The following CSTPP1 variants were observed in gnomAD, a reference collection of about 807,000 sequenced individuals.
CSTPP1 encodes the protein centriolar satellite-associated tubulin polyglutamylase complex regulator 1.
the CSTPP1 span, chr11:46,948,288 T>G: frequency 2.6e-6 from 1 of 387,482 alleles, no homozygotes; most frequent in Admixed American, 3.3e-5. Context: ...ATCTTAGTTT[T>G]TCAGAAAGGA....
chr11:47,112,613 C>T, the CSTPP1 span, among the ~76,000 whole-genome samples: 1 of 152,192 alleles, frequency 6.6e-6, no homozygotes, highest in African/African-American at 2.4e-5. Context: ...TGAGCTGCTG[C>T]GCCCAGCCTA....
At chr11:47,003,542 C>G in the CSTPP1 span, among the ~76,000 whole-genome samples, 1 of 152,138 alleles carries the variant, frequency 6.6e-6, no homozygotes, top group Non-Finnish European at 1.5e-5. Flanking sequence ...AGTGACTTCT[C>G]CAAAAAACAA....
the CSTPP1 span, chr11:47,156,948 G>C: frequency 6.7e-7 from 1 of 1,490,042 alleles, no homozygotes; most frequent in South Asian, 1.2e-5. Flanking sequence ...GAGAAGGGAA[G>C]ACATAGTGAA....
the CSTPP1 span, among the ~76,000 whole-genome samples, chr11:46,957,526 C>T: frequency 6.6e-6 from 1 of 152,154 alleles, no homozygotes; most frequent in Admixed American, 6.5e-5. Context: ...AAGCATTTCT[C>T]CCCTATCTTT....
At chr11:47,039,071 C>G in the CSTPP1 span, among the ~76,000 whole-genome samples, 1 of 126,682 alleles carries the variant, frequency 7.9e-6, no homozygotes, top group African/African-American at 2.5e-5. Flanking sequence ...GGCAGCCAGG[C>G]AGAGACGCTC....
the CSTPP1 span, among the ~76,000 whole-genome samples, chr11:47,057,165 G>A: frequency 6.6e-6 from 1 of 152,054 alleles, no homozygotes; most frequent in African/African-American, 2.4e-5. Context: ...AGCAACTTTA[G>A]ACTCTTGGAA....
At chr11:47,006,935 A>G in the CSTPP1 span, among the ~76,000 whole-genome samples, 12 of 146,816 alleles carry the variant, frequency 8.2e-5, no homozygotes, top group South Asian at 2.2e-4. Flanking sequence ...TTACACAAAC[A>G]TTAGACCTTT....
chr11:47,145,658 G>T, the CSTPP1 span, among the ~76,000 whole-genome samples: 1 of 152,080 alleles, frequency 6.6e-6, no homozygotes, highest in Admixed American at 6.5e-5. Context: ...TTGAAATGAG[G>T]TCTTGTTCTG....
the CSTPP1 span, chr11:47,157,292 G>A: frequency 2.4e-5 from 35 of 1,468,150 alleles, no homozygotes; most frequent in African/African-American, 8.6e-5. Flanking sequence ...ACAGAGCTCC[G>A]CAGGATGTTC....
chr11:47,147,039 C>T, the CSTPP1 span, among the ~76,000 whole-genome samples: 15 of 152,248 alleles, frequency 9.9e-5, no homozygotes, highest in East Asian at 2.9e-3. Flanking sequence ...ATGGTGATCC[C>T]CCCAGGAAGA....
At chr11:46,999,362 G>T in the CSTPP1 span, among the ~76,000 whole-genome samples, 7 of 152,166 alleles carry the variant, frequency 4.6e-5, 1 homozygote, top group Admixed American at 6.5e-5. Flanking sequence ...TGGATGCTCA[G>T]AAAGATTAAA....
chr11:46,962,838 C>T, the CSTPP1 span, among the ~76,000 whole-genome samples: 2 of 152,076 alleles, frequency 1.3e-5, no homozygotes, highest in Non-Finnish European at 2.9e-5. Context: ...CCTGTAGTCC[C>T]AGCTATTCAG....
the CSTPP1 span, chr11:47,004,246 A>G: frequency 6.6e-6 from 1 of 151,014 alleles, no homozygotes. Context: ...TAGCACAAAC[A>G]TGGCTCATTG....
the CSTPP1 span, among the ~76,000 whole-genome samples, chr11:47,142,306 T>C: frequency 2.6e-5 from 4 of 151,918 alleles, no homozygotes; most frequent in Non-Finnish European, 4.4e-5. Flanking sequence ...GTAAAAGTAA[T>C]TGTGGTTTTG....
chr11:47,052,477 G>C, the CSTPP1 span: 7 of 1,613,890 alleles, frequency 4.3e-6, no homozygotes, highest in Non-Finnish European at 2.5e-6. Flanking sequence ...TCATTTTTAC[G>C]GGCCTTCTGG....
chr11:46,940,027 C>T, the CSTPP1 span, among the ~76,000 whole-genome samples: 1 of 152,086 alleles, frequency 6.6e-6, no homozygotes, highest in South Asian at 2.1e-4. Flanking sequence ...CGAGCCACCA[C>T]ACCTGGCTAA....
chr11:47,125,933 C>T, the CSTPP1 span, among the ~76,000 whole-genome samples: 1 of 151,738 alleles, frequency 6.6e-6, no homozygotes, highest in Non-Finnish European at 1.5e-5. Flanking sequence ...ATGAGAATTG[C>T]TTGAACCCAG....
At chr11:46,974,474 C>CAG in the CSTPP1 span, among the ~76,000 whole-genome samples, 2 of 143,854 alleles carry the variant, frequency 1.4e-5, no homozygotes, top group South Asian at 2.2e-4. Context: ...TTGCAGTGAG[C>CAG]AGAGACCTTG....
the CSTPP1 span, among the ~76,000 whole-genome samples, chr11:47,078,114 A>G: frequency 3.9e-4 from 60 of 152,352 alleles, no homozygotes; most frequent in African/African-American, 1.4e-3. Context: ...GTCATCTTCA[A>G]CTGAAAGTTA....
Sources: allele counts gnomAD v4.1 joint callset (sites outside exome capture counted in the v4.1 genomes callset), GRCh38; gene constraint gnomAD v4.1.1; transcripts MANE v1.5; gene names NCBI Gene and HGNC (gene_info 2026-07-23, HGNC 2026-07-21).